LRRC71: variants seen among roughly 807,000 people sequenced by gnomAD.
LRRC71 encodes the protein leucine-rich repeat-containing protein 71.
A neutral mutation model predicts 66.6 loss-of-function variants in LRRC71; 54 were observed. The ratio of observed to expected loss-of-function variants is 0.81; its 90% confidence interval spans 0.65 to 1.02. The LOEUF (loss-of-function observed/expected upper bound fraction) is 1.02. Among genes scored for constraint, LRRC71 ranks in the 50% least tolerant of loss-of-function variants. LRRC71 has a pLI of 0.00. For synonymous variants in LRRC71, 323 were observed against 303.9 expected, an observed-to-expected ratio of 1.06 and a Z score of -0.65; for missense variants, 724 against 718.0, an observed-to-expected ratio of 1.01 and a Z score of -0.10.
At chr1:156,935,937 C>T, downstream of LRRC71, 1 of 1,550,342 alleles carries the variant, frequency 6.5e-7, no homozygotes, top group Non-Finnish European at 8.8e-7. Flanking sequence ...TACCCTGTGC[C>T]CCGGTCTCAG....
rs1207574697 is a variant in LRRC71 at position 156,921,712 on chromosome 1, A to AAAACAC, written c.160+750_160+751insAACACA. 198 of 278,406 alleles carry AAAACAC rather than the reference A, an allele frequency of 7.1e-4. 2 individuals carry two copies. Among genetic ancestry groups the AAAACAC allele is most frequent in the African/African-American group, 5.2e-3 (191 of 36,686 alleles). 17.2% of individuals were successfully genotyped at this position (278,406 alleles called of 1,614,324 possible). On this transcript the variant is annotated intron_variant, in intron 1 of 14. Coordinates refer to ENST00000337428, the MANE Select transcript of LRRC71 (RefSeq NM_144702.3). ...CAGGTACGAAGCCAGTTACATTCAA[A>AAAACAC]ACACACACACACACACACACACACA...
intron 12 of LRRC71, 63 bp from the exon 13 acceptor site, chr1:156,931,853 G>C: frequency 1.6e-6 from 2 of 1,261,446 alleles, no homozygotes; most frequent in Non-Finnish European, 2.3e-6. Context: ...ATGAATGAAT[G>C]AATGAATGGC....
chr1:156,920,949 A>T lies in LRRC71; in HGVS notation c.146A>T (p.Glu49Val). 1 of 1,525,830 alleles carries T rather than the reference A, an allele frequency of 6.6e-7. No individual in the cohort carries two copies. The highest frequency in any genetic ancestry group is 2.1e-5 in the Admixed American group (1 of 47,364). 94.5% of individuals were successfully genotyped at this position (1,525,830 alleles called of 1,614,324 possible). A position where few individuals can be genotyped will look rare whatever the true frequency, so the allele number is the denominator to read the frequency against. The change falls in exon 1 of 15, where the codon GAG becomes GTG. Residue 49 changes from glutamate (E) to valine (V), a missense_variant. Coordinates refer to ENST00000337428, the MANE Select transcript of LRRC71 (RefSeq NM_144702.3). This position sits in a 1 kb window ranked among gnomAD's most constrained non-coding sequence, Gnocchi z 4.9. ...GTTCTGCCTCCCGTGGGGGAGGAGG[A>T]GCCCAAAAGCCCTGGTACGCTGGCG... The part of the protein sequence containing the change: ...ATVLPPVGEE[E>V]PKSPEEYQCS...
In LRRC71 at chr1:156,929,268, T is replaced by C. The variant is rs773935125; in HGVS notation, c.997-12T>C. The C allele has an allele frequency of 6.3e-7, 1 of 1,592,678 alleles. No homozygotes were observed. Among genetic ancestry groups the C allele is most frequent in the Non-Finnish European group, 8.6e-7 (1 of 1,169,316 alleles). On this transcript the variant is annotated splice_polypyrimidine_tract_variant and intron_variant, in intron 9 of 14. Transcript: ENST00000337428. ...GGCTTCTTCCCCCCTTCCCTCCCATTTGTGAGCACAGCCCTCCTCCTCTCG... is the reference window on the plus strand; with the variant it reads ...GGCTTCTTCCCCCCTTCCCTCCCATCTGTGAGCACAGCCCTCCTCCTCTCG...
downstream of LRRC71, among the ~76,000 whole-genome samples, chr1:156,936,497 A>AAAAAAATATAT (rs370282821): frequency 8.8e-5 from 3 of 33,910 alleles, no homozygotes; most frequent in South Asian, 1.6e-3. Flanking sequence ...AAAAAAAAAA[A>AAAAAAATATAT]ATATATATAT....
chr1:156,927,124 C>G (rs1314536521), intron 5 of LRRC71, 78 bp from the exon 6 acceptor site: 2 of 1,270,826 alleles, frequency 1.6e-6, no homozygotes, highest in Non-Finnish European at 2.2e-6. Context: ...TTCCCAGAGA[C>G]GCACACTTCC....
At chr1:156,921,171 G>A (rs1334600371) in intron 1 of LRRC71, among the ~76,000 whole-genome samples, 5 of 152,220 alleles carry the variant, frequency 3.3e-5, no homozygotes, top group Non-Finnish European at 7.3e-5. Flanking sequence ...AATAAGATGT[G>A]ATAAGATATA....
downstream of LRRC71, among the ~76,000 whole-genome samples, chr1:156,933,378 C>G (rs1654658937): frequency 6.6e-6 from 1 of 152,224 alleles, no homozygotes; most frequent in African/African-American, 2.4e-5. Context: ...TAGTAACTGA[C>G]ACACATAAGC....
intron 9 of LRRC71, among the ~76,000 whole-genome samples, chr1:156,929,036 A>G (rs1039702875): frequency 2.0e-5 from 3 of 152,202 alleles, no homozygotes; most frequent in African/African-American, 7.2e-5. Context: ...CCCCCTCAAT[A>G]TAAGTCTGAG....
chr1:156,922,160 A>G lies in LRRC71; in HGVS notation c.160+1197A>G, dbSNP rs544323075. ...AGGGGTGGAGTTGTGACTTTGGGTG[A>G]AGTTGTGACTTTGGGAGCTGCTGAT... is the stretch of plus-strand genomic sequence containing the variant. On this transcript the variant is annotated intron_variant, in intron 1 of 14. Coordinates refer to ENST00000337428, the MANE Select transcript of LRRC71 (RefSeq NM_144702.3). 1.1e-3 allele frequency among the ~76,000 whole-genome samples: 167 copies of G among 152,166 alleles called. 1 individual carries two copies. The highest frequency in any genetic ancestry group is 4.0e-3 in the African/African-American group (164 of 41,496).
rs746850166 is a variant in LRRC71, at chr1:156,927,723, C to T, written c.823-10C>T. ...CTTGGGCGGCTCACGCGTCCCTGCC[C>T]GCCTCTTAGGGCCTCCGGCTGAACC... On this transcript the variant is annotated splice_polypyrimidine_tract_variant and intron_variant, in intron 7 of 14. Coordinates refer to ENST00000337428, the MANE Select transcript of LRRC71 (RefSeq NM_144702.3). 9 of 1,607,978 alleles carry T rather than the reference C, an allele frequency of 5.6e-6. No individual in the cohort carries two copies. Among genetic ancestry groups the T allele is most frequent in the South Asian group, 1.1e-5 (1 of 90,998 alleles).
chr1:156,930,032 T>TTCTTTCTC (rs1187267457), intron 11 of LRRC71, among the ~76,000 whole-genome samples: 22,235 of 117,740 alleles, frequency 0.19, 2,255 homozygotes, highest in East Asian at 0.47. Flanking sequence ...TTTCTTTTCT[T>TTCTTTCTC]TTTCTTTCTT....
chr1:156,930,032 TTTTCTTTCTTTCTC>T (rs1553189648), intron 11 of LRRC71, among the ~76,000 whole-genome samples: 3 of 120,016 alleles, frequency 2.5e-5, no homozygotes, highest in Non-Finnish European at 1.7e-5. Context: ...TTTCTTTTCT[TTTTCTTTCTTTCTC>T]TTTCTTTCTT....
chr1:156,920,783 G>C lies in LRRC71; in HGVS notation c.-21G>C, dbSNP rs773658674. On this transcript the variant is annotated 5_prime_UTR_variant, in exon 1 of 15. Coordinates refer to ENST00000337428, the MANE Select transcript of LRRC71 (RefSeq NM_144702.3). This position sits in a 1 kb window ranked among gnomAD's most constrained non-coding sequence, Gnocchi z 4.9. ...TTCCTGCCCCGACGAAGGTCCCAGA[G>C]ACGCTGCGGACAACACCAGCATGTC... is the stretch of plus-strand genomic sequence containing the variant. 1 of 1,494,398 alleles carries C rather than the reference G, an allele frequency of 6.7e-7. No homozygotes were observed. The highest frequency in any genetic ancestry group is 1.3e-5 in the South Asian group (1 of 76,604). The allele number at this position is 1,494,398 out of a possible 1,614,324, so 92.6% of individuals were successfully genotyped here.
Position 156,930,555 on chromosome 1 carries a change from A to C in LRRC71, c.1267A>C (p.Ser423Arg). 3 of 1,567,984 alleles carry C rather than the reference A, an allele frequency of 1.9e-6. No homozygotes were observed. The highest frequency in any genetic ancestry group is 2.6e-6 in the Non-Finnish European group (3 of 1,156,328). The change falls in exon 12 of 15, where the codon AGC becomes CGC. Residue 423 changes from serine to arginine, a missense_variant. Physicochemically the swap from Ser to Arg is moderately radical, Grantham distance 110 (BLOSUM62 -1). Transcript: ENST00000337428. Reference protein sequence around the residue: ...GKVTIPEQKPSRAKGIKIGSR... With the variant: ...GKVTIPEQKPRRAKGIKIGSR... ...GGTAACCATCCCTGAACAGAAGCCA[A>C]GCAGGGCAAAAGGGATCAAGATCGG...
At chr1:156,936,702 CA>C (rs1655433622), downstream of LRRC71, 1 of 1,251,274 alleles carries the variant, frequency 8.0e-7, no homozygotes, top group Admixed American at 2.3e-5. Flanking sequence ...TCGTTTCACT[CA>C]AGGGGAAACC....
chr1:156,927,643 C>A lies in LRRC71; in HGVS notation c.810C>A (p.Gly270=). The A allele has an allele frequency of 6.2e-7, 1 of 1,606,220 alleles. No homozygotes were observed. Among genetic ancestry groups the A allele is most frequent in the Non-Finnish European group, 8.5e-7 (1 of 1,177,068 alleles). Reference sequence around the variant, plus strand: ...ACCACATCGGTGACGAGGGCGCAGGCTACATCGCGGACGTGAGTGCACGGC... The same window carrying A: ...ACCACATCGGTGACGAGGGCGCAGGATACATCGCGGACGTGAGTGCACGGC... The part of the protein sequence containing the change: ...GFNHIGDEGA[G]YIADGLRLNR... The change falls in exon 7 of 15, where the codon GGC becomes GGA. Residue 270 remains glycine (G), a synonymous_variant. Transcript: ENST00000337428.
the LRRC71 span, chr1:156,940,474 G>C: frequency 6.5e-7 from 1 of 1,529,848 alleles, no homozygotes; most frequent in Middle Eastern, 1.7e-4. Flanking sequence ...GAGAGGGCAC[G>C]TATGGGAGAG....
intron 2 of LRRC71, 33 bp from the exon 3 acceptor site, chr1:156,924,391 C>A: frequency 6.5e-7 from 1 of 1,541,618 alleles, no homozygotes; most frequent in Non-Finnish European, 8.7e-7. Context: ...CTGGAGGTGG[C>A]TGTTCCCCTC....
Sources: allele counts gnomAD v4.1 joint callset (sites outside exome capture counted in the v4.1 genomes callset), GRCh38; gene constraint gnomAD v4.1.1; non-coding constraint Gnocchi (gnomAD v3.1); transcripts MANE v1.5; gene names NCBI Gene and HGNC (gene_info 2026-07-23, HGNC 2026-07-21).